SATB2: variants seen among roughly 807,000 people sequenced by gnomAD.
The protein encoded by SATB2 is SATB homeobox 2.
A neutral mutation model predicts 73.4 loss-of-function variants in SATB2; 1 was observed. The ratio of observed to expected loss-of-function variants is 0.01; its 90% CI spans 0.00 to 0.06. The LOEUF (loss-of-function observed/expected upper bound fraction) is 0.06, where lower values mean the gene tolerates loss of function less well. SATB2 is among the 10% of genes least tolerant of loss of function. The pLI is 1.00. For missense variants in SATB2, 459 were observed against 945.8 expected, an observed-to-expected ratio of 0.49 and a Z score of 6.75; for synonymous variants, 397 against 367.0, an observed-to-expected ratio of 1.08 and a Z score of -0.93.
intron 3 of SATB2, among the ~76,000 whole-genome samples, chr2:199,394,182 A>G (rs1690232917): frequency 6.6e-6 from 1 of 152,226 alleles, no homozygotes; most frequent in Admixed American, 6.5e-5. Context: ...TGCACAAATA[A>G]GTAATCCCCT....
At chr2:199,375,356 T>G (rs1689569539) in intron 5 of SATB2, among the ~76,000 whole-genome samples, 2 of 152,216 alleles carry the variant, frequency 1.3e-5, no homozygotes, top group African/African-American at 4.8e-5. Context: ...TGCCAGCACT[T>G]AAACACACTT....
Position 199,276,803 on chromosome 2 carries a change from T to C in SATB2, c.1741-4131A>G, listed in dbSNP as rs545330638. 3.5e-4 allele frequency among the ~76,000 whole-genome samples: 53 copies of C among 152,254 alleles called. 1 individual carries two copies. Among genetic ancestry groups the C allele is most frequent in the African/African-American group, 1.2e-3 (48 of 41,556 alleles). Reference sequence around the variant, plus strand: ...GTGGAGGGGCAAAAAAAAATCCCCATTGATAGTACCTACTAACGCCATGCA... The same window carrying C: ...GTGGAGGGGCAAAAAAAAATCCCCACTGATAGTACCTACTAACGCCATGCA... On this transcript the variant is annotated intron_variant, in intron 10 of 10. Coordinates refer to ENST00000417098, the MANE Select transcript of SATB2 (RefSeq NM_001172509.2).
intron 2 of SATB2, among the ~76,000 whole-genome samples, chr2:199,442,226 C>T (rs1191431267): frequency 1.3e-5 from 2 of 152,190 alleles, no homozygotes; most frequent in Admixed American, 1.3e-4. Context: ...CACTCTGGCC[C>T]CATTGCACTG....
chr2:199,306,295 A>C (rs1687430356), intron 10 of SATB2, among the ~76,000 whole-genome samples: 1 of 152,100 alleles, frequency 6.6e-6, no homozygotes. Context: ...ACAGCTTTGT[A>C]TTTTGCTGAC....
chr2:199,458,028 T>G (rs1692344832), upstream of SATB2: 1 of 156,752 alleles, frequency 6.4e-6, no homozygotes, highest in Non-Finnish European at 1.4e-5. Context: ...TTTTGGGTTG[T>G]CCTCGGTTTC....
intron 3 of SATB2, chr2:199,423,550 T>A (rs1691236871): frequency 6.6e-6 from 1 of 152,078 alleles, no homozygotes; most frequent in Non-Finnish European, 1.5e-5. Context: ...GGAAAGATTT[T>A]TTTCATGCAC....
rs1692123043 is a variant in SATB2 at position 199,270,559 on chromosome 2, T to C, written c.*1652A>G. 1.3e-5 allele frequency: 2 copies of C among 152,026 alleles called. No individual in the cohort carries two copies. The highest frequency in any genetic ancestry group is 2.4e-5 in the African/African-American group (1 of 41,340). The allele number at this position is 152,026 out of a possible 1,614,324, so 9.4% of individuals were successfully genotyped here. On this transcript the variant is annotated 3_prime_UTR_variant, in exon 11 of 11. Transcript: ENST00000417098. Reference sequence around the variant, plus strand: ...ATGTGGGACTGTTTAATGGCCAGTTTAAAGCATGGATTACGTTCACTAGGC... The same window carrying C: ...ATGTGGGACTGTTTAATGGCCAGTTCAAAGCATGGATTACGTTCACTAGGC...
At chr2:199,347,215 A>T (rs1187756063) in intron 7 of SATB2, 1 of 151,986 alleles carries the variant, frequency 6.6e-6, no homozygotes, top group Admixed American at 6.6e-5. Context: ...ACATTCCTGT[A>T]TTTTCCAAAT....
intron 3 of SATB2, among the ~76,000 whole-genome samples, chr2:199,410,328 C>G (rs1386160010): frequency 6.6e-6 from 1 of 152,156 alleles, no homozygotes; most frequent in Non-Finnish European, 1.5e-5. Context: ...CAGCTAAATT[C>G]TGTGTGCTAA....
At position 199,424,283 on chromosome 2, in the gene SATB2, C is replaced by G. The variant is rs78775450; in HGVS notation, c.346+9055G>C. Among the ~76,000 whole-genome samples, 11 of 152,212 alleles carry G rather than the reference C, an allele frequency of 7.2e-5. No individual in the cohort carries two copies. The South Asian group carries it at 1.5e-3, about 20-fold the overall frequency. On this transcript the variant is annotated intron_variant, in intron 3 of 10. Transcript: ENST00000417098. ...GGGTTTTAAATGCTCATCACAGTCA[C>G]GCAAAATCTATCTGGCACCTAGGAA...
At chr2:199,363,941 T>C (rs145918449) in intron 6 of SATB2, among the ~76,000 whole-genome samples, 15 of 152,284 alleles carry the variant, frequency 9.9e-5, no homozygotes, top group Non-Finnish European at 1.6e-4. Flanking sequence ...CAAATTTCTC[T>C]CATGACAGAA....
chr2:199,436,424 T>TAAAAAA (rs200573943), intron 2 of SATB2, among the ~76,000 whole-genome samples: 2 of 149,842 alleles, frequency 1.3e-5, no homozygotes, highest in African/African-American at 4.9e-5. Context: ...ATCATCTATT[T>TAAAAAA]AAAAAAAAAC....
At chr2:199,354,889 G>C (rs533335088) in intron 6 of SATB2, among the ~76,000 whole-genome samples, 1 of 152,050 alleles carries the variant, frequency 6.6e-6, no homozygotes, top group Admixed American at 6.6e-5. Context: ...AGTTCACAGC[G>C]ACAATGCTCT....
upstream of SATB2, chr2:199,459,921 G>C (rs530477673): frequency 6.6e-6 from 1 of 152,638 alleles, no homozygotes; most frequent in Non-Finnish European, 1.5e-5. This position sits in a 1 kb window ranked among gnomAD's most constrained non-coding sequence, Gnocchi z 4.2. Context: ...GAAGAGAAAG[G>C]GTCCCAGGAA....
At chr2:199,423,742 G>A (rs1199707996) in intron 3 of SATB2, 2 of 152,144 alleles carry the variant, frequency 1.3e-5, no homozygotes, top group African/African-American at 2.4e-5. Context: ...TGGTGAGGCT[G>A]GTGAGGGCTT....
At position 199,463,484 on chromosome 2, in the gene SATB2, G is replaced by C. The variant is rs564330513; in HGVS notation, c.-141+1352C>G. Among the ~76,000 whole-genome samples, 1 of 152,182 alleles carries C rather than the reference G, an allele frequency of 6.6e-6. No homozygotes were observed. Among genetic ancestry groups the C allele is most frequent in the Non-Finnish European group, 1.5e-5 (1 of 68,032 alleles). On this transcript the variant is annotated intron_variant, in intron 1 of 11. Coordinates refer to the SATB2 transcript ENST00000260926. The surrounding 1 kb of genome is among the most constrained non-coding windows in gnomAD (Gnocchi z 6.4). ...GGCTGCGAAGAGCCCCGAGGCCTCG[G>C]CTTGGCGTCAATGTCCCGCCACCCT...
chr2:199,344,993 T>C (rs922626918), intron 7 of SATB2, among the ~76,000 whole-genome samples: 1 of 152,158 alleles, frequency 6.6e-6, no homozygotes, highest in African/African-American at 2.4e-5. Flanking sequence ...CTTCTCAGCT[T>C]TCCACAAGTA....
At chr2:199,438,642 C>T (rs1275612722) in intron 2 of SATB2, among the ~76,000 whole-genome samples, 1 of 152,170 alleles carries the variant, frequency 6.6e-6, no homozygotes, top group Non-Finnish European at 1.5e-5. Context: ...GAATGTTTAA[C>T]CCAACAATGA....
Position 199,285,673 on chromosome 2 carries a change from G to A in SATB2, c.1741-13001C>T, listed in dbSNP as rs570847183. 2.0e-5 allele frequency among the ~76,000 whole-genome samples: 3 copies of A among 151,418 alleles called. No homozygotes were observed. In the East Asian group the frequency reaches 5.9e-4, roughly 30 times the overall value. ...ACTCCAGGCGGATTTAATATAAGTT[G>A]GTTCTCTTTTACAATTGCTCTTAGC... On this transcript the variant is annotated intron_variant, in intron 10 of 10. Coordinates refer to ENST00000417098, the MANE Select transcript of SATB2 (RefSeq NM_001172509.2).
Sources: gnomAD v4.1 joint callset for allele counts (sites outside exome capture counted in the v4.1 genomes callset) on GRCh38, gnomAD v4.1.1 for gene constraint, Gnocchi (gnomAD v3.1) non-coding constraint, MANE v1.5 for transcripts, NCBI Gene and HGNC (gene_info 2026-07-23, HGNC 2026-07-21) for gene names.